TBC1D5: variants seen among roughly 807,000 people sequenced by gnomAD.
TBC1D5 encodes TBC1 domain family, member 5.
A neutral mutation model predicts 100.3 loss-of-function variants in TBC1D5; 75 were observed. The observed-to-expected ratio is 0.75, with a 90% CI of 0.62 to 0.91. The LOEUF (loss-of-function observed/expected upper bound fraction) is 0.91. TBC1D5 is among the 40% of genes least tolerant of loss of function. TBC1D5 has a pLI of 0.00. For synonymous variants in TBC1D5, 323 were observed against 325.6 expected (o/e 0.99, Z 0.09); for missense variants, 910 against 942.4 (o/e 0.97, Z 0.45).
At chr3:17,260,630 G>GAA (rs2078194890) in intron 15 of TBC1D5, among the ~76,000 whole-genome samples, 1 of 152,190 alleles carries the variant, frequency 6.6e-6, no homozygotes, top group Non-Finnish European at 1.5e-5. Context: ...GGTTATGGTT[G>GAA]AAAGTTATTC....
intron 2 of TBC1D5, among the ~76,000 whole-genome samples, chr3:17,623,520 G>A (rs1481802980): frequency 6.6e-6 from 1 of 152,166 alleles, no homozygotes; most frequent in South Asian, 2.1e-4. Context: ...TTCCTGCAGA[G>A]TGCCATAAAA....
chr3:17,625,137 T>C (rs2062948931), intron 1 of TBC1D5, among the ~76,000 whole-genome samples: 1 of 152,212 alleles, frequency 6.6e-6, no homozygotes, highest in African/African-American at 2.4e-5. Context: ...TTTGAATTTA[T>C]CTTCATAGCA....
At chr3:17,564,210 G>A (rs764081135) in intron 2 of TBC1D5, among the ~76,000 whole-genome samples, 2 of 152,036 alleles carry the variant, frequency 1.3e-5, no homozygotes, top group Non-Finnish European at 2.9e-5. Context: ...GGAAAAAAAC[G>A]ACCTCCCCAG....
intron 18 of TBC1D5, among the ~76,000 whole-genome samples, chr3:17,185,825 C>T (rs2125526217): frequency 6.6e-6 from 1 of 152,236 alleles, no homozygotes; most frequent in East Asian, 1.9e-4. Context: ...ATTGTTGCTC[C>T]TCTCTCTTGA....
At chr3:17,296,664 G>A (rs1462469671) in intron 14 of TBC1D5, among the ~76,000 whole-genome samples, 1 of 152,208 alleles carries the variant, frequency 6.6e-6, no homozygotes, top group African/African-American at 2.4e-5. Flanking sequence ...TAAAACCCTT[G>A]TAAGATTTTG....
At chr3:17,379,482 A>G (rs1414414054) in intron 9 of TBC1D5, among the ~76,000 whole-genome samples, 1 of 152,068 alleles carries the variant, frequency 6.6e-6, no homozygotes, top group Non-Finnish European at 1.5e-5. Flanking sequence ...TAGATTCTCC[A>G]TTAATCATTC....
At chr3:17,252,779 A>G (rs948927058) in intron 16 of TBC1D5, among the ~76,000 whole-genome samples, 1 of 152,224 alleles carries the variant, frequency 6.6e-6, no homozygotes, top group East Asian at 1.9e-4. Context: ...ATAATCTTAT[A>G]CTAGAATCTG....
chr3:17,715,844 G>T (rs559695567), intron 1 of TBC1D5, among the ~76,000 whole-genome samples: 22 of 152,146 alleles, frequency 1.4e-4, no homozygotes, highest in Admixed American at 5.2e-4. Context: ...GGATCACGAG[G>T]TCAAGAGTTT....
chr3:17,282,812 ATATT>A (rs1322607988), intron 15 of TBC1D5, among the ~76,000 whole-genome samples: 4 of 152,258 alleles, frequency 2.6e-5, no homozygotes, highest in African/African-American at 7.2e-5. Flanking sequence ...AACAAAGAAA[ATATT>A]TATGTTGAAT....
chr3:17,461,736 G>A (rs1337989776), intron 3 of TBC1D5, among the ~76,000 whole-genome samples: 1 of 152,072 alleles, frequency 6.6e-6, no homozygotes, highest in Non-Finnish European at 1.5e-5. Flanking sequence ...ATGTCCTTGT[G>A]AACTGGTCTC....
chr3:17,576,609 G>A (rs967056938), intron 2 of TBC1D5: 5 of 152,112 alleles, frequency 3.3e-5, no homozygotes, highest in Admixed American at 2.6e-4. Flanking sequence ...TTTCAACACT[G>A]TATTTCTATT....
At chr3:17,569,085 A>G (rs1344950660) in intron 2 of TBC1D5, among the ~76,000 whole-genome samples, 2 of 152,002 alleles carry the variant, frequency 1.3e-5, no homozygotes, top group East Asian at 3.9e-4. Context: ...AAAAGAGAAC[A>G]AGGGCACTCT....
intron 3 of TBC1D5, among the ~76,000 whole-genome samples, chr3:17,504,494 T>G (rs186799250): frequency 6.6e-6 from 1 of 151,970 alleles, no homozygotes; most frequent in Non-Finnish European, 1.5e-5. Flanking sequence ...TGTTGAATGC[T>G]CTGAATGAAT....
intron 19 of TBC1D5, among the ~76,000 whole-genome samples, chr3:17,179,460 T>C (rs1218590429): frequency 6.6e-6 from 1 of 152,246 alleles, no homozygotes; most frequent in Admixed American, 6.5e-5. Context: ...ATAAATATTA[T>C]GACAAGTACA....
chr3:17,451,404 A>T (rs2094924461), intron 3 of TBC1D5, among the ~76,000 whole-genome samples: 1 of 152,234 alleles, frequency 6.6e-6, no homozygotes, highest in South Asian at 2.1e-4. Context: ...AGAAAAGCTC[A>T]TCATCACTGG....
intron 2 of TBC1D5, among the ~76,000 whole-genome samples, chr3:17,573,564 C>G (rs2096639881): frequency 6.6e-6 from 1 of 151,980 alleles, no homozygotes; most frequent in Non-Finnish European, 1.5e-5. Context: ...AATCTATAGG[C>G]TTTCTATTTA....
At chr3:17,230,632 A>G (rs1466251660) in intron 17 of TBC1D5, among the ~76,000 whole-genome samples, 1 of 152,156 alleles carries the variant, frequency 6.6e-6, no homozygotes, top group African/African-American at 2.4e-5. Flanking sequence ...GATGTTATAG[A>G]TATCTGTGCG....
intron 2 of TBC1D5, among the ~76,000 whole-genome samples, chr3:17,606,496 T>G (rs2061344072): frequency 1.3e-5 from 2 of 152,126 alleles, no homozygotes. Context: ...TGGCTATCTG[T>G]AATATATATA....
chr3:17,467,286 C>CTTTTTTTTTTTTTTTTTTTTTTTTTT (rs11299814), intron 3 of TBC1D5, among the ~76,000 whole-genome samples: 1 of 121,288 alleles, frequency 8.2e-6, no homozygotes, highest in African/African-American at 3.2e-5. Context: ...GCCAGACCTT[C>CTTTTTTTTTTTTTTTTTTTTTTTTTT]TTTTTTTTTT....
Sources: gnomAD v4.1 joint callset for allele counts (sites outside exome capture counted in the v4.1 genomes callset) on GRCh38, gnomAD v4.1.1 for gene constraint, MANE v1.5 for transcripts, NCBI Gene and HGNC (gene_info 2026-07-23, HGNC 2026-07-21) for gene names.